Variants in CLDN14 observed in about 807,000 individuals in gnomAD.
CLDN14 encodes the protein claudin-14.
In CLDN14, 2 loss-of-function variants were observed where a neutral mutation model predicts 2.1. That is an observed-to-expected ratio of 0.96 (90% CI 0.39 to 3.01). CLDN14 has a LOEUF of 3.01. Among genes scored for constraint, CLDN14 ranks in the 30% most tolerant of loss-of-function variants. The pLI is 0.09. For missense variants in CLDN14, 298 were observed against 328.0 expected, an observed-to-expected ratio of 0.91 and a Z score of 0.71; for synonymous variants, 136 against 154.4, an observed-to-expected ratio of 0.88 and a Z score of 0.88.
At chr21:36,479,161 C>T (rs998459304) in intron 1 of CLDN14, among the ~76,000 whole-genome samples, 1 of 152,192 alleles carries the variant, frequency 6.6e-6, no homozygotes, top group African/African-American at 2.4e-5. Context: ...GCTGTGGCCT[C>T]AAAACACTGA....
intron 2 of CLDN14, among the ~76,000 whole-genome samples, chr21:36,505,847 C>T (rs188099015): frequency 6.2e-4 from 94 of 152,292 alleles, no homozygotes; most frequent in African/African-American, 2.2e-3. Flanking sequence ...GGAGGGGAGG[C>T]GTAAGGCACT....
intron 1 of CLDN14, among the ~76,000 whole-genome samples, chr21:36,536,462 C>T (rs1382313394): frequency 2.6e-5 from 4 of 152,186 alleles, no homozygotes; most frequent in African/African-American, 4.8e-5. Context: ...GAAAATGTTC[C>T]GACATTACCT....
At chr21:36,538,819 G>A (rs561198276) in intron 1 of CLDN14, among the ~76,000 whole-genome samples, 4 of 152,236 alleles carry the variant, frequency 2.6e-5, no homozygotes, top group Middle Eastern at 3.4e-3. Context: ...CCAGTACCAA[G>A]TCTTCCTAAC....
At chr21:36,525,870 G>A (rs1270042695) in intron 1 of CLDN14, among the ~76,000 whole-genome samples, 1 of 152,148 alleles carries the variant, frequency 6.6e-6, no homozygotes, top group Non-Finnish European at 1.5e-5. Context: ...CTGGGGCTGG[G>A]TTTTAAAGAC....
intron 2 of CLDN14, among the ~76,000 whole-genome samples, chr21:36,485,311 C>T (rs1444011460): frequency 2.8e-5 from 4 of 143,496 alleles, no homozygotes; most frequent in Admixed American, 7.4e-5. Flanking sequence ...CAGGTTCAAG[C>T]GATTCTCTTG....
At chr21:36,516,939 C>T (rs757433265) in intron 1 of CLDN14, among the ~76,000 whole-genome samples, 2 of 152,214 alleles carry the variant, frequency 1.3e-5, no homozygotes, top group African/African-American at 2.4e-5. Context: ...TTCCCGGGTT[C>T]AAGCGATTCT....
chr21:36,574,172 G>A (rs1035344663), intron 1 of CLDN14, among the ~76,000 whole-genome samples: 6 of 152,178 alleles, frequency 3.9e-5, no homozygotes, highest in African/African-American at 1.4e-4. Context: ...AGCTACAGTA[G>A]TCAAGATAGT....
chr21:36,530,764 T>G (rs899842193), intron 1 of CLDN14, among the ~76,000 whole-genome samples: 6 of 152,100 alleles, frequency 3.9e-5, no homozygotes, highest in Admixed American at 3.9e-4. Context: ...GTGTTTCAGA[T>G]GTACCCGGGG....
rs552473909 is a variant in CLDN14, at chr21:36,492,150, A to AAAAATTAGCTGC, written c.-82+18212_-82+18213insGCAGCTAATTTT. Reference sequence around the variant, plus strand: ...GAAACTCTGTCTCTAAAAAAAATGCAAGGGCCGGGCGCGGTGGCTCACGCC... The same window carrying AAAAATTAGCTGC: ...GAAACTCTGTCTCTAAAAAAAATGCAAAAATTAGCTGCAGGGCCGGGCGCGGTGGCTCACGCC... On this transcript the variant is annotated intron_variant, in intron 2 of 2. Coordinates refer to the CLDN14 transcript ENST00000342108. Among the ~76,000 whole-genome samples, 12 of 147,208 alleles carry AAAAATTAGCTGC rather than the reference A, an allele frequency of 8.2e-5. No homozygotes were observed. In the East Asian group the frequency reaches 8.9e-4, roughly 11 times the overall value.
chr21:36,523,325 A>G (rs983986667), intron 1 of CLDN14, among the ~76,000 whole-genome samples: 7 of 152,254 alleles, frequency 4.6e-5, no homozygotes, highest in African/African-American at 1.7e-4. Flanking sequence ...GTGTGATGAA[A>G]GAAACACTCT....
chr21:36,541,004 A>G (rs2087484384), intron 1 of CLDN14, among the ~76,000 whole-genome samples: 1 of 152,178 alleles, frequency 6.6e-6, no homozygotes, highest in Non-Finnish European at 1.5e-5. Flanking sequence ...TTCCACATAC[A>G]CTTTGCAGGT....
chr21:36,517,054 G>T (rs2087233885), intron 1 of CLDN14, among the ~76,000 whole-genome samples: 1 of 151,786 alleles, frequency 6.6e-6, no homozygotes, highest in African/African-American at 2.4e-5. Context: ...TGGCCAGGCT[G>T]GTCTCGAACT....
intron 1 of CLDN14, among the ~76,000 whole-genome samples, chr21:36,570,873 G>A (rs1372371027): frequency 5.3e-5 from 8 of 152,142 alleles, no homozygotes; most frequent in Middle Eastern, 3.4e-3. Flanking sequence ...ATGGAGTCTC[G>A]CTCTGTTGCC....
intron 1 of CLDN14, among the ~76,000 whole-genome samples, chr21:36,555,630 T>C (rs1006956839): frequency 1.3e-5 from 2 of 152,152 alleles, no homozygotes; most frequent in East Asian, 1.9e-4. Flanking sequence ...TATGACCCCA[T>C]GGGCTCCAGA....
rs77773244 is a variant in CLDN14 at position 36,493,119 on chromosome 21, G to T, written c.-82+17244C>A. Among the ~76,000 whole-genome samples the T allele has an allele frequency of 5.1e-3, 772 of 152,262 alleles. 13 individuals are homozygous for T. The highest frequency in any genetic ancestry group is 0.018 in the African/African-American group (751 of 41,562). ...GAGCACGTGTTTTGTTTACCGGTTT[G>T]TTTTTCTGCCCGCCCCCGGGGAGGA... On this transcript the variant is annotated intron_variant, in intron 2 of 2. Coordinates refer to the CLDN14 transcript ENST00000342108.
intron 2 of CLDN14, among the ~76,000 whole-genome samples, chr21:36,508,044 AGG>A (rs1443323656): frequency 1.3e-5 from 2 of 152,218 alleles, no homozygotes; most frequent in African/African-American, 4.8e-5. Context: ...GCTCTCAGCC[AGG>A]GAGAGCTGGG....
intron 2 of CLDN14, chr21:36,486,594 G>C: frequency 6.5e-7 from 1 of 1,549,128 alleles, no homozygotes; most frequent in Non-Finnish European, 8.9e-7. Context: ...ACTGCCACCA[G>C]ATGAGAACCG....
chr21:36,462,415 G>T (rs559334652), intron 1 of CLDN14, among the ~76,000 whole-genome samples: 54 of 152,206 alleles, frequency 3.5e-4, no homozygotes, highest in African/African-American at 1.0e-3. Flanking sequence ...TCTCCAGCAC[G>T]GACCTCCGCT....
In CLDN14 at chr21:36,514,471, A is replaced by G. The variant is rs754273094; in HGVS notation, c.-219-3971T>C. ...TGCGCCAGAAGCAATGATGGTTTCA[A>G]TTGGTTGGTAGATGAGTCTCCCTGA... is the stretch of plus-strand genomic sequence containing the variant. On this transcript the variant is annotated intron_variant, in intron 1 of 2. Transcript: ENST00000342108. Among the ~76,000 whole-genome samples, 7 of 152,164 alleles carry G rather than the reference A, an allele frequency of 4.6e-5. No individual in the cohort carries two copies. In the East Asian group the frequency reaches 9.6e-4, roughly 21 times the overall value.
Sources: gnomAD v4.1 joint callset for allele counts (sites outside exome capture counted in the v4.1 genomes callset) on GRCh38, gnomAD v4.1.1 for gene constraint, MANE v1.5 for transcripts, NCBI Gene and HGNC (gene_info 2026-07-23, HGNC 2026-07-21) for gene names.